The following ZNF407 variants were observed in gnomAD, a reference collection of about 807,000 sequenced individuals.
ZNF407 encodes zinc finger protein 407.
Under a neutral mutation model 131.2 loss-of-function variants are expected in ZNF407, and 17 were observed. The observed-to-expected ratio is 0.13, with a 90% CI of 0.09 to 0.19. ZNF407 has a LOEUF of 0.19. Among genes scored for constraint, ZNF407 ranks in the 10% least tolerant of loss-of-function variants. The pLI is 1.00. For synonymous variants in ZNF407, 1,156 were observed against 1,062.0 expected, an observed-to-expected ratio of 1.09 and a Z score of -1.72; for missense variants, 2,681 against 2,830.6, an observed-to-expected ratio of 0.95 and a Z score of 1.20.
At chr18:74,789,651 C>G (rs1325436546) in intron 4 of ZNF407, among the ~76,000 whole-genome samples, 2 of 152,094 alleles carry the variant, frequency 1.3e-5, no homozygotes, top group African/African-American at 4.8e-5. Context: ...AGGGAAAGAG[C>G]CTGGGCTGGT....
chr18:74,665,176 A>T (rs1459671142), intron 3 of ZNF407, among the ~76,000 whole-genome samples: 1 of 152,248 alleles, frequency 6.6e-6, no homozygotes, highest in African/African-American at 2.4e-5. Context: ...TTGGCTACAC[A>T]GAGCAGAAAT....
intron 3 of ZNF407, among the ~76,000 whole-genome samples, chr18:74,776,948 G>A (rs1969485830): frequency 6.6e-6 from 1 of 152,174 alleles, no homozygotes; most frequent in Non-Finnish European, 1.5e-5. Context: ...CATTAAGTGG[G>A]CTGAGGAGTA....
chr18:74,880,677 TTACTC>T (rs1971225135), intron 5 of ZNF407, among the ~76,000 whole-genome samples: 1 of 152,158 alleles, frequency 6.6e-6, no homozygotes, highest in Non-Finnish European at 1.5e-5. Flanking sequence ...CAAGCAATCT[TTACTC>T]AGCTCAGAAA....
chr18:74,905,599 T>G (rs777733784), intron 7 of ZNF407: 1 of 152,286 alleles, frequency 6.6e-6, no homozygotes, highest in Non-Finnish European at 1.5e-5. Flanking sequence ...TATGAGGCAC[T>G]GTGCTGTTTT....
chr18:75,030,488 A>G (rs187170230), intron 8 of ZNF407, among the ~76,000 whole-genome samples: 114 of 152,352 alleles, frequency 7.5e-4, no homozygotes, highest in Admixed American at 1.4e-3. Context: ...ATTATTATAC[A>G]TGCCACATTT....
chr18:74,940,353 C>T (rs149919466), intron 8 of ZNF407, among the ~76,000 whole-genome samples: 17 of 152,164 alleles, frequency 1.1e-4, no homozygotes, highest in African/African-American at 3.6e-4. Context: ...AGGGAAGGGG[C>T]GTGCAGCTGA....
In ZNF407 at chr18:74,839,011, GA is replaced by G. The variant is rs141754156; in HGVS notation, c.4878-38177del. Among the ~76,000 whole-genome samples the G allele has an allele frequency of 1.9e-3, 283 of 149,972 alleles. 9 individuals carry two copies. The East Asian group carries it at 0.05, about 26-fold the overall frequency. On this transcript the variant is annotated intron_variant, in intron 4 of 8. Transcript: ENST00000299687. Reference sequence around the variant, plus strand: ...AGACTGTCTGCAAAGTTGGAGTTGAGAAAAAAAAATACATATATCTCTAAAT... The same window carrying G: ...AGACTGTCTGCAAAGTTGGAGTTGAGAAAAAAAATACATATATCTCTAAAT...
intron 3 of ZNF407, among the ~76,000 whole-genome samples, chr18:74,685,103 T>C (rs1967066868): frequency 6.6e-6 from 1 of 152,232 alleles, no homozygotes; most frequent in African/African-American, 2.4e-5. Flanking sequence ...CTTCACATTA[T>C]ATAATTAGTA....
intron 8 of ZNF407, among the ~76,000 whole-genome samples, chr18:75,026,614 C>T (rs978355291): frequency 2.0e-5 from 3 of 152,190 alleles, no homozygotes; most frequent in Admixed American, 6.5e-5. Flanking sequence ...AAGATATTTT[C>T]AGTGACCAGC....
intron 4 of ZNF407, among the ~76,000 whole-genome samples, chr18:74,850,559 A>G (rs1480001692): frequency 6.6e-6 from 1 of 152,096 alleles, no homozygotes; most frequent in Non-Finnish European, 1.5e-5. Context: ...TTCAACGAAT[A>G]TTTTTATTTC....
chr18:75,017,644 T>C (rs1425683471), intron 8 of ZNF407, among the ~76,000 whole-genome samples: 1 of 152,172 alleles, frequency 6.6e-6, no homozygotes, highest in Non-Finnish European at 1.5e-5. Context: ...CAGCAAATGC[T>C]TACCACCAGT....
chr18:74,743,716 A>G (rs1968602822), intron 3 of ZNF407, among the ~76,000 whole-genome samples: 1 of 152,100 alleles, frequency 6.6e-6, no homozygotes, highest in Non-Finnish European at 1.5e-5. Flanking sequence ...TTCTGCCATT[A>G]TCTCTAGAAC....
At chr18:74,603,408 A>G (rs1009766412) in intron 1 of ZNF407, among the ~76,000 whole-genome samples, 1 of 152,232 alleles carries the variant, frequency 6.6e-6, no homozygotes, top group Non-Finnish European at 1.5e-5. Context: ...CTCTCCAGAG[A>G]CAATCACTAT....
intron 5 of ZNF407, among the ~76,000 whole-genome samples, chr18:74,879,581 T>A (rs188589467): frequency 2.0e-5 from 3 of 152,214 alleles, no homozygotes; most frequent in Admixed American, 6.5e-5. Flanking sequence ...AATAATTAAA[T>A]GAGTGATTAT....
At chr18:74,668,494 A>G (rs1011403566) in intron 3 of ZNF407, among the ~76,000 whole-genome samples, 1 of 152,262 alleles carries the variant, frequency 6.6e-6, no homozygotes, top group Non-Finnish European at 1.5e-5. Context: ...GTTTGCGTGT[A>G]TAACCCAGTG....
At chr18:74,682,078 A>G (rs542250340) in intron 3 of ZNF407, among the ~76,000 whole-genome samples, 1 of 152,204 alleles carries the variant, frequency 6.6e-6, no homozygotes, top group African/African-American at 2.4e-5. Context: ...ACTTTGATTT[A>G]AATTCTAAAA....
chr18:74,623,988 C>A (rs569578656), intron 1 of ZNF407, among the ~76,000 whole-genome samples: 24 of 152,146 alleles, frequency 1.6e-4, no homozygotes, highest in African/African-American at 5.5e-4. Flanking sequence ...AATAACACAT[C>A]CATTATTTTA....
chr18:74,868,768 A>G (rs1369476746), intron 4 of ZNF407, among the ~76,000 whole-genome samples: 6 of 152,118 alleles, frequency 3.9e-5, no homozygotes, highest in Non-Finnish European at 8.8e-5. Flanking sequence ...AACTATTTCA[A>G]TCTATGTGTA....
At chr18:74,690,146 A>T (rs1967186210) in intron 3 of ZNF407, among the ~76,000 whole-genome samples, 1 of 152,238 alleles carries the variant, frequency 6.6e-6, no homozygotes, top group Admixed American at 6.5e-5. Flanking sequence ...CTTAAAAAAA[A>T]ATTCTCCTAT....
Sources: gnomAD v4.1 joint callset for allele counts (sites outside exome capture counted in the v4.1 genomes callset) on GRCh38, gnomAD v4.1.1 for gene constraint, MANE v1.5 for transcripts, NCBI Gene and HGNC (gene_info 2026-07-23, HGNC 2026-07-21) for gene names.